Variants in TECTB observed in about 807,000 individuals in gnomAD.
TECTB encodes the protein beta-tectorin.
TECTB carries 45 observed loss-of-function variants against 43.3 expected under a neutral mutation model. That is an observed-to-expected ratio of 1.04 (90% CI 0.82 to 1.33). The LOEUF (loss-of-function observed/expected upper bound fraction) is 1.33. TECTB is among the 40% of genes most tolerant of loss of function. The pLI is 0.00. For missense variants in TECTB, 399 were observed against 404.7 expected, an observed-to-expected ratio of 0.99 and a Z score of 0.12; for synonymous variants, 169 against 156.7, an observed-to-expected ratio of 1.08 and a Z score of -0.59.
chr10:112,297,900 C>T (rs149289684), intron 7 of TECTB, among the ~76,000 whole-genome samples, 169 bp from the exon 8 acceptor site: 1 of 152,216 alleles, frequency 6.6e-6, no homozygotes, highest in East Asian at 1.9e-4. Context: ...CCTAGCTCAT[C>T]AACTTGACCT....
rs1220342111 is a variant in TECTB at position 112,293,803 on chromosome 10, T to C, written c.549T>C (p.Asp183=). The C allele has an allele frequency of 6.2e-7, 1 of 1,614,054 alleles. No individual in the cohort carries two copies. Among genetic ancestry groups the C allele is most frequent in the Non-Finnish European group, 8.5e-7 (1 of 1,180,030 alleles). ...TGGAGGCATCCGAAATCGGTTCAGATCTGTTTGCAGGAGTGGAAGCCAAAG... is the reference window on the plus strand; with the variant it reads ...TGGAGGCATCCGAAATCGGTTCAGACCTGTTTGCAGGAGTGGAAGCCAAAG... The part of the protein sequence containing the change: ...FVLEASEIGS[D]LFAGVEAKGL... The change falls in exon 6 of 11, where the codon GAT becomes GAC. Residue 183 remains aspartate, a synonymous_variant. Coordinates refer to ENST00000646139, the MANE Select transcript of TECTB (RefSeq NM_058222.3).
chr10:112,299,564 A>G lies in TECTB; in HGVS notation c.907A>G (p.Ser303Gly), dbSNP rs1489643470. 1.3e-6 allele frequency: 2 copies of G among 1,573,842 alleles called. No individual in the cohort carries two copies. Among genetic ancestry groups the G allele is most frequent in the South Asian group, 2.2e-5 (2 of 89,304 alleles). The change falls in exon 9 of 11, where the codon AGC (serine) becomes GGC (glycine). Residue 303 changes from serine to glycine, a missense_variant and splice_region_variant. Coordinates refer to ENST00000646139, the MANE Select transcript of TECTB (RefSeq NM_058222.3). ...GVLVVELSLR[S>G]RGFSSLYSFS... ...CCTGGTCGTGGAGCTCTCCCTGCGG[A>G]GTAAGCGTCTCTGTTTTCCTCTGTT...
At chr10:112,297,020 A>G (rs79388833) in intron 7 of TECTB, among the ~76,000 whole-genome samples, 7,176 of 152,268 alleles carry the variant, frequency 0.047, 538 homozygotes, top group African/African-American at 0.16. Flanking sequence ...TTCTCTGTAC[A>G]GTCCCAAGAA....
chr10:112,302,991 T>C, intron 10 of TECTB: 1 of 462,520 alleles, frequency 2.2e-6, no homozygotes, highest in Non-Finnish European at 3.9e-6. Context: ...AATCCTAGAT[T>C]CTCATCGTTT....
intron 9 of TECTB, among the ~76,000 whole-genome samples, chr10:112,300,226 G>GAAAA (rs1554854192): frequency 2.1e-5 from 1 of 47,582 alleles, no homozygotes. Flanking sequence ...CAGACAGAAA[G>GAAAA]AAATAAAGAA....
chr10:112,289,365 A>T (rs1395172697), intron 5 of TECTB, among the ~76,000 whole-genome samples: 1 of 152,214 alleles, frequency 6.6e-6, no homozygotes, highest in East Asian at 1.9e-4. Flanking sequence ...AAATGCAAGC[A>T]ATAGAGGCCA....
chr10:112,300,912 C>G (rs917114504), intron 9 of TECTB, among the ~76,000 whole-genome samples: 1 of 152,102 alleles, frequency 6.6e-6, no homozygotes, highest in Admixed American at 6.5e-5. Flanking sequence ...CCAAGTGAGA[C>G]CTGAAGGATA....
At chr10:112,291,002 TTTTTA>T (rs750694085) in intron 5 of TECTB, among the ~76,000 whole-genome samples, 1 of 152,202 alleles carries the variant, frequency 6.6e-6, no homozygotes, top group South Asian at 2.1e-4. Flanking sequence ...TTATTTGTTA[TTTTTA>T]TTTTAAGTTC....
At chr10:112,300,284 AAAGAAAG>A in intron 9 of TECTB, among the ~76,000 whole-genome samples, 10 of 79,470 alleles carry the variant, frequency 1.3e-4, no homozygotes, top group Admixed American at 7.9e-4. Flanking sequence ...GAAAGAAAAG[AAAGAAAG>A]AAAGAAAGAA....
In TECTB at chr10:112,299,475, C is replaced by A. The variant is rs756801202; in HGVS notation, c.835-17C>A. The A allele has an allele frequency of 6.2e-7, 1 of 1,614,004 alleles. No homozygotes were observed. Reference sequence around the variant, plus strand: ...ACCTTCCCCGCTTCTCTCCTGTCTGCCTCTCTGGGTCTTCAGACCTGCGAT... The same window carrying A: ...ACCTTCCCCGCTTCTCTCCTGTCTGACTCTCTGGGTCTTCAGACCTGCGAT... On this transcript the variant is annotated splice_polypyrimidine_tract_variant and intron_variant, in intron 8 of 10. Transcript: ENST00000646139.
At chr10:112,300,776 C>T (rs1848604699) in intron 9 of TECTB, among the ~76,000 whole-genome samples, 1 of 150,778 alleles carries the variant, frequency 6.6e-6, no homozygotes. Flanking sequence ...TTCCAAAATC[C>T]AAAAAAAAAT....
intron 7 of TECTB, 48 bp downstream of exon 7, chr10:112,294,109 T>G (rs1415246612): frequency 6.4e-6 from 10 of 1,564,052 alleles, no homozygotes; most frequent in Non-Finnish European, 8.8e-6. Flanking sequence ...ACCAGGCATT[T>G]ATCGGGCTAC....
rs889833703 is a variant in TECTB, at chr10:112,304,953, G to T, written c.*1641G>T. On this transcript the variant is annotated 3_prime_UTR_variant, in exon 11 of 11. Transcript: ENST00000646139. The stretch of plus-strand genomic sequence containing the variant: ...GTCAGAATAAACCAATGTTGTATTA[G>T]TTTTGCTGTATTTCATCATTGTGTT... The T allele has an allele frequency of 2.0e-5, 3 of 152,076 alleles. No individual in the cohort carries two copies. The highest frequency in any genetic ancestry group is 7.2e-5 in the African/African-American group (3 of 41,408). The allele number at this position is 152,076 out of a possible 1,614,324, so 9.4% of individuals were successfully genotyped here. A position where few individuals can be genotyped will look rare whatever the true frequency, so the allele number is the denominator to read the frequency against.
chr10:112,300,622 A>G (rs560756231), intron 9 of TECTB, among the ~76,000 whole-genome samples: 1 of 152,322 alleles, frequency 6.6e-6, no homozygotes, highest in Non-Finnish European at 1.5e-5. Context: ...AAAATCCAAA[A>G]TCCGAATGCT....
chr10:112,284,584 C>G lies in TECTB; in HGVS notation c.126C>G (p.Pro42=). ...CCAAAACCATCATCACCAAAATCCC[C>G]GAGTGTCCCTATGGATGGGAAGTTC... ...CYPKTIITKI[P]ECPYGWEVHQ... The change falls in exon 3 of 11, where the codon CCC becomes CCG. Residue 42 remains proline (P), a synonymous_variant. Transcript: ENST00000646139. 6.2e-7 allele frequency: 1 copy of G among 1,612,702 alleles called. No individual in the cohort carries two copies. Among genetic ancestry groups the G allele is most frequent in the East Asian group, 2.2e-5 (1 of 44,830 alleles).
Position 112,284,704 on chromosome 10 carries a change from C to T in TECTB, c.246C>T (p.Ser82=). ...CAGATTTATCACCTAAAAACAAGTC[C>T]TATTGTGGAACCCAGTCTGAGGTAA... is the stretch of plus-strand genomic sequence containing the variant. ...VIPDLSPKNK[S]YCGTQSEYKP... is the part of the protein sequence containing the mutation. Residue 82 remains serine, a synonymous_variant, in exon 3 of 11, where the codon TCC becomes TCT. Transcript: ENST00000646139. 6.2e-7 allele frequency: 1 copy of T among 1,604,506 alleles called. No individual in the cohort carries two copies. The highest frequency in any genetic ancestry group is 1.3e-5 in the African/African-American group (1 of 74,886).
At chr10:112,290,410 C>G (rs1848488279) in intron 5 of TECTB, among the ~76,000 whole-genome samples, 1 of 152,160 alleles carries the variant, frequency 6.6e-6, no homozygotes, top group African/African-American at 2.4e-5. Flanking sequence ...TTATTCCAAG[C>G]CTTCCCTGAG....
intron 5 of TECTB, among the ~76,000 whole-genome samples, chr10:112,290,028 T>C (rs145369412): frequency 1.3e-5 from 2 of 152,308 alleles, no homozygotes; most frequent in African/African-American, 4.8e-5. Flanking sequence ...ATGGTTTCAG[T>C]TACCCTTGGT....
chr10:112,303,375 T>G lies in TECTB; in HGVS notation c.*63T>G. The G allele has an allele frequency of 3.1e-6, 5 of 1,597,348 alleles. No homozygotes were observed. The highest frequency in any genetic ancestry group is 4.3e-6 in the Non-Finnish European group (5 of 1,164,976). ...AGTCCTCAGCGAATGACAAACACAT[T>G]TATTGTGCTGCCAAAAAGAACAAAC... is the stretch of plus-strand genomic sequence containing the variant. On this transcript the variant is annotated 3_prime_UTR_variant, in exon 11 of 11. Transcript: ENST00000646139.
Sources: gnomAD v4.1 joint callset for allele counts (sites outside exome capture counted in the v4.1 genomes callset) on GRCh38, gnomAD v4.1.1 for gene constraint, MANE v1.5 for transcripts, NCBI Gene and HGNC (gene_info 2026-07-23, HGNC 2026-07-21) for gene names.